PICALM: variants seen among roughly 807,000 people sequenced by gnomAD.
PICALM encodes the protein phosphatidylinositol binding clathrin assembly protein, also known as phosphatidylinositol-binding clathrin assembly protein.
In PICALM, 40 loss-of-function variants were observed where a neutral mutation model predicts 80.5. The ratio of observed to expected loss-of-function variants is 0.50; its 90% CI spans 0.39 to 0.65. The LOEUF (loss-of-function observed/expected upper bound fraction) is 0.65. PICALM is among the 30% of genes least tolerant of loss of function. PICALM has a pLI of 0.00. For missense variants in PICALM, 676 were observed against 778.9 expected (o/e 0.87, Z 1.57); for synonymous variants, 288 against 260.3 (o/e 1.11, Z -1.02).
At chr11:86,067,817 T>TG (rs1175549723) in intron 1 of PICALM, among the ~76,000 whole-genome samples, 1 of 152,156 alleles carries the variant, frequency 6.6e-6, no homozygotes, top group Non-Finnish European at 1.5e-5. Context: ...TATCCCCATG[T>TG]GAAAAGCTGG....
At chr11:86,040,221 T>C (rs1222937618) in intron 1 of PICALM, among the ~76,000 whole-genome samples, 1 of 152,018 alleles carries the variant, frequency 6.6e-6, no homozygotes, top group African/African-American at 2.4e-5. Context: ...GGGCTGTGGA[T>C]GACCAAAAAA....
intron 13 of PICALM, among the ~76,000 whole-genome samples, chr11:85,986,356 C>T (rs909621246): frequency 1.5e-5 from 2 of 136,392 alleles, no homozygotes; most frequent in Non-Finnish European, 3.1e-5. Flanking sequence ...TCAGGACTGC[C>T]AACTTTTAAT....
intron 4 of PICALM, among the ~76,000 whole-genome samples, chr11:86,021,849 A>G (rs1593013459): frequency 1.3e-5 from 2 of 152,318 alleles, no homozygotes; most frequent in East Asian, 3.9e-4. Context: ...ATTTGGCTAG[A>G]AAAAGGAATA....
chr11:85,999,981 T>A (rs1252811485), intron 11 of PICALM, among the ~76,000 whole-genome samples: 2 of 152,248 alleles, frequency 1.3e-5, no homozygotes, highest in African/African-American at 2.4e-5. Flanking sequence ...CAGTCTCATC[T>A]GAAAACAAGG....
intron 19 of PICALM, among the ~76,000 whole-genome samples, chr11:85,967,293 A>C (rs1367642538): frequency 6.6e-6 from 1 of 152,238 alleles, no homozygotes; most frequent in African/African-American, 2.4e-5. Flanking sequence ...GATGTTCGTC[A>C]TGAAGATTCT....
chr11:86,062,706 T>C (rs895030919), intron 1 of PICALM, among the ~76,000 whole-genome samples: 7 of 152,174 alleles, frequency 4.6e-5, no homozygotes, highest in African/African-American at 9.7e-5. Flanking sequence ...TAATTTTTAA[T>C]ACAAAGGCTT....
At position 86,068,827 on chromosome 11, in the gene PICALM, C is replaced by T. The variant is rs555221301; in HGVS notation, c.-47G>A. ...CCACCCGCTCAGCAGCCGGCGGGGA[C>T]TGGGACCCCCAAGAGCCGGAGGGTC... On this transcript the variant is annotated 5_prime_UTR_variant, in exon 1 of 20. Transcript: ENST00000393346. 7.0e-5 allele frequency: 108 copies of T among 1,550,824 alleles called. No individual in the cohort carries two copies. The highest frequency in any genetic ancestry group is 6.8e-4 in the South Asian group (58 of 85,236).
At chr11:85,984,659 A>G (rs1024172861) in intron 13 of PICALM, among the ~76,000 whole-genome samples, 7 of 152,162 alleles carry the variant, frequency 4.6e-5, no homozygotes, top group Non-Finnish European at 8.8e-5. Context: ...CAAGCATACT[A>G]ATTAAGGTGA....
At chr11:86,066,547 C>T (rs2096450677) in intron 1 of PICALM, among the ~76,000 whole-genome samples, 1 of 152,054 alleles carries the variant, frequency 6.6e-6, no homozygotes, top group African/African-American at 2.4e-5. Flanking sequence ...ATTTATGAAA[C>T]AACATGCAAA....
rs767077090 is a variant in PICALM, at chr11:86,003,454, G to A, written c.808-3C>T. The A allele has an allele frequency of 7.8e-6, 12 of 1,547,466 alleles. No individual in the cohort carries two copies. The South Asian group carries it at 1.4e-4, about 19-fold the overall frequency. ...GCATCAAGAAGACTGCTAGGGGCCT[G>A]CAATTGTACAAATATTAAGAATTTC... On this transcript the variant is annotated splice_region_variant and splice_polypyrimidine_tract_variant and intron_variant, in intron 8 of 19. Coordinates refer to ENST00000393346, the MANE Select transcript of PICALM (RefSeq NM_007166.4).
intron 19 of PICALM, among the ~76,000 whole-genome samples, chr11:85,963,498 C>G (rs999805411): frequency 6.6e-6 from 1 of 152,202 alleles, no homozygotes; most frequent in African/African-American, 2.4e-5. Context: ...TATGTCACAA[C>G]TGAAGATGTC....
chr11:86,014,733 A>G (rs894712128), intron 5 of PICALM, 137 bp downstream of exon 5: 32 of 481,682 alleles, frequency 6.6e-5, no homozygotes, highest in Admixed American at 1.3e-4. Context: ...ACTTGAGACT[A>G]TTTTATAAAA....
At chr11:86,026,155 T>C (rs1465644440) in intron 3 of PICALM, 137 bp downstream of exon 3, 2 of 586,626 alleles carry the variant, frequency 3.4e-6, no homozygotes, top group African/African-American at 3.7e-5. Flanking sequence ...TAAAAGACAG[T>C]TTTTTCTTTC....
In PICALM at chr11:85,976,671, T is replaced by G. The variant is rs1352748083; in HGVS notation, c.1791A>C (p.Val597=). Reference sequence around the variant, plus strand: ...TTGGTGTAGTAGCAGGATAGGCCATTACAGGGGGTGCCTAACATAGTGAAA... The same window carrying G: ...TTGGTGTAGTAGCAGGATAGGCCATGACAGGGGGTGCCTAACATAGTGAAA... ...AWNAATMAPP[V]MAYPATTPTG... is the part of the protein sequence containing the mutation. Residue 597 remains valine (V), a synonymous_variant, in exon 18 of 20, where the codon GTA becomes GTC. Transcript: ENST00000393346. The G allele has an allele frequency of 2.5e-6, 4 of 1,595,940 alleles. No individual in the cohort carries two copies. Among genetic ancestry groups the G allele is most frequent in the Admixed American group, 3.3e-5 (2 of 59,994 alleles).
chr11:85,969,709 C>T (rs12292953), intron 19 of PICALM: 1 of 402,268 alleles, frequency 2.5e-6, no homozygotes. Flanking sequence ...AAAAAACAGA[C>T]AGTCTCACTA....
intron 2 of PICALM, among the ~76,000 whole-genome samples, chr11:86,028,575 T>C (rs967386872): frequency 1.3e-5 from 2 of 152,204 alleles, no homozygotes; most frequent in Non-Finnish European, 1.5e-5. Flanking sequence ...AGAGCCTTGG[T>C]CAATTCTATT....
chr11:85,985,981 G>A (rs2094559875), intron 13 of PICALM, among the ~76,000 whole-genome samples: 1 of 152,014 alleles, frequency 6.6e-6, no homozygotes. Context: ...GTAAAAAGAG[G>A]AGCCATCTCC....
chr11:85,970,991 AAGG>A (rs1253959349), intron 19 of PICALM, among the ~76,000 whole-genome samples: 4 of 152,212 alleles, frequency 2.6e-5, no homozygotes, highest in African/African-American at 9.6e-5. Context: ...TGTAGAATGC[AAGG>A]AGAAGGGTGG....
At chr11:86,069,098 T>C (rs1197740257), upstream of PICALM, 3 of 300,858 alleles carry the variant, frequency 1.0e-5, no homozygotes, top group Non-Finnish European at 1.9e-5. Context: ...GCCAGGCTCC[T>C]CCTCGGAGCT....
Sources: gnomAD v4.1 joint callset for allele counts (sites outside exome capture counted in the v4.1 genomes callset) on GRCh38, gnomAD v4.1.1 for gene constraint, MANE v1.5 for transcripts, NCBI Gene and HGNC (gene_info 2026-07-23, HGNC 2026-07-21) for gene names.